RGS6: variants seen among roughly 807,000 people sequenced by gnomAD.
RGS6 encodes regulator of G protein signaling 6.
A neutral mutation model predicts 78.5 loss-of-function variants in RGS6; 30 were observed. The ratio of observed to expected loss-of-function variants is 0.38; its 90% confidence interval spans 0.29 to 0.52. The LOEUF is 0.52. RGS6 is among the 20% of genes least tolerant of loss of function. RGS6 has a pLI of 0.85. For missense variants in RGS6, 495 were observed against 609.7 expected, an observed-to-expected ratio of 0.81 and a Z score of 1.98; for synonymous variants, 206 against 206.0, an observed-to-expected ratio of 1.00 and a Z score of 0.00.
intron 3 of RGS6, among the ~76,000 whole-genome samples, chr14:72,380,644 A>G (rs528398482): frequency 1.6e-4 from 25 of 152,150 alleles, no homozygotes; most frequent in Non-Finnish European, 3.4e-4. Context: ...CCCAGTCAGG[A>G]TGGCTATTAT....
intron 2 of RGS6, among the ~76,000 whole-genome samples, chr14:72,241,312 C>G (rs749714580): frequency 3.3e-5 from 5 of 152,116 alleles, no homozygotes; most frequent in Admixed American, 6.6e-5. Flanking sequence ...ATTAACAACC[C>G]CTTTCACCAT....
chr14:72,560,796 A>ATG (rs2097662486), intron 17 of RGS6, among the ~76,000 whole-genome samples: 1 of 83,314 alleles, frequency 1.2e-5, no homozygotes, highest in Admixed American at 1.3e-4. Context: ...GATTTTGTGG[A>ATG]CGTGTGTGTG....
chr14:72,083,854 C>A (rs1237032003), intron 2 of RGS6, among the ~76,000 whole-genome samples: 1 of 152,070 alleles, frequency 6.6e-6, no homozygotes, highest in African/African-American at 2.4e-5. Context: ...ACATTGATTG[C>A]CCATCAGTCT....
intron 1 of RGS6, among the ~76,000 whole-genome samples, chr14:71,937,471 C>G (rs1164047565): frequency 2.0e-5 from 3 of 152,196 alleles, no homozygotes; most frequent in Non-Finnish European, 4.4e-5. Flanking sequence ...TCAGAGCATA[C>G]ACGGCCCTCT....
intron 2 of RGS6, among the ~76,000 whole-genome samples, chr14:72,298,431 CT>C (rs1201498031): frequency 0.059 from 4,962 of 83,794 alleles, 112 homozygotes; most frequent in Middle Eastern, 0.13. Context: ...CATTAATGTT[CT>C]TTTTTTTTTT....
intron 2 of RGS6, among the ~76,000 whole-genome samples, chr14:72,014,099 T>C (rs1487221033): frequency 2.0e-5 from 3 of 152,224 alleles, no homozygotes; most frequent in Non-Finnish European, 2.9e-5. Flanking sequence ...ACAACCACCG[T>C]GTGAGCCTTG....
chr14:72,325,922 G>A (rs537647957), intron 2 of RGS6, among the ~76,000 whole-genome samples: 3 of 152,114 alleles, frequency 2.0e-5, no homozygotes, highest in African/African-American at 7.2e-5. Flanking sequence ...GGGAAATAAG[G>A]TACCCTCATA....
chr14:72,248,816 C>G (rs560392147), intron 2 of RGS6, among the ~76,000 whole-genome samples: 1 of 152,298 alleles, frequency 6.6e-6, no homozygotes, highest in Admixed American at 6.5e-5. Flanking sequence ...TTAGTAAGAT[C>G]ACTAGGTAAT....
intron 2 of RGS6, among the ~76,000 whole-genome samples, chr14:72,112,104 C>T (rs756276716): frequency 6.6e-6 from 1 of 152,088 alleles, no homozygotes; most frequent in Non-Finnish European, 1.5e-5. Context: ...TTCTGATGGT[C>T]CCTGTCACAT....
intron 2 of RGS6, among the ~76,000 whole-genome samples, chr14:72,046,960 C>A (rs1016487651): frequency 6.6e-6 from 1 of 152,294 alleles, no homozygotes; most frequent in Non-Finnish European, 1.5e-5. Flanking sequence ...ATTTACCTAG[C>A]CTTGTGACCC....
chr14:72,265,912 T>C (rs2058973391), intron 2 of RGS6, among the ~76,000 whole-genome samples: 1 of 131,648 alleles, frequency 7.6e-6, no homozygotes, highest in African/African-American at 2.9e-5. Context: ...CTTTTCCTTC[T>C]CTAACTATCA....
At chr14:72,384,082 G>A (rs901287162) in intron 3 of RGS6, among the ~76,000 whole-genome samples, 6 of 152,146 alleles carry the variant, frequency 3.9e-5, no homozygotes, top group Admixed American at 1.3e-4. Context: ...ACACACACAC[G>A]TTTTGATCGT....
chr14:72,584,242 T>C, the RGS6 span, among the ~76,000 whole-genome samples: 13 of 152,306 alleles, frequency 8.5e-5, no homozygotes, highest in South Asian at 2.7e-3. Context: ...AGTCATTCAA[T>C]GTATATTGAA....
intron 2 of RGS6, among the ~76,000 whole-genome samples, chr14:72,011,045 C>T (rs1347827048): frequency 6.6e-6 from 1 of 152,174 alleles, no homozygotes; most frequent in Admixed American, 6.5e-5. Context: ...TTGTTCTATT[C>T]TAAAATTGCA....
chr14:72,175,329 G>C (rs2097091282), intron 2 of RGS6, among the ~76,000 whole-genome samples: 1 of 152,180 alleles, frequency 6.6e-6, no homozygotes, highest in African/African-American at 2.4e-5. Context: ...TCAGCATACT[G>C]TGACTTTTAG....
chr14:72,038,499 C>T lies in RGS6; in HGVS notation c.84+73624C>T, dbSNP rs1456653558. Among the ~76,000 whole-genome samples, 3 of 152,224 alleles carry T rather than the reference C, an allele frequency of 2.0e-5. No homozygotes were observed. The South Asian group carries it at 6.2e-4, about 32-fold the overall frequency. On this transcript the variant is annotated intron_variant, in intron 2 of 17. Coordinates refer to ENST00000553525, the MANE Select transcript of RGS6 (RefSeq NM_001204424.2). Reference sequence around the variant, plus strand: ...AATTAGGGGAAGATTCACATCTTCACAATACTATCTTCCAATTTTGAACAT... The same window carrying T: ...AATTAGGGGAAGATTCACATCTTCATAATACTATCTTCCAATTTTGAACAT...
Position 71,948,368 on chromosome 14 carries a change from C to T in RGS6, c.-21+15427C>T, listed in dbSNP as rs78676687. Among the ~76,000 whole-genome samples the T allele has an allele frequency of 2.8e-3, 426 of 152,252 alleles. 1 individual carries two copies. The highest frequency in any genetic ancestry group is 9.8e-3 in the African/African-American group (408 of 41,524). Reference sequence around the variant, plus strand: ...CAGTCCACAGTGGTAACAGACACAACCTCTGGCTCCTTCATCATCCCTGCA... The same window carrying T: ...CAGTCCACAGTGGTAACAGACACAATCTCTGGCTCCTTCATCATCCCTGCA... On this transcript the variant is annotated intron_variant, in intron 1 of 17. Coordinates refer to ENST00000553525, the MANE Select transcript of RGS6 (RefSeq NM_001204424.2).
At chr14:71,868,949 C>T in the RGS6 span, among the ~76,000 whole-genome samples, 1 of 152,192 alleles carries the variant, frequency 6.6e-6, no homozygotes, top group African/African-American at 2.4e-5. Context: ...CTTCCAGGGA[C>T]AGACTGCCTT....
intron 2 of RGS6, among the ~76,000 whole-genome samples, chr14:72,031,749 A>G (rs1055344014): frequency 7.2e-5 from 11 of 152,224 alleles, no homozygotes; most frequent in Non-Finnish European, 1.6e-4. Flanking sequence ...TGGCCATGCT[A>G]ACTTCAAAGA....
Sources: gnomAD v4.1 joint callset for allele counts (sites outside exome capture counted in the v4.1 genomes callset) on GRCh38, gnomAD v4.1.1 for gene constraint, MANE v1.5 for transcripts, NCBI Gene and HGNC (gene_info 2026-07-23, HGNC 2026-07-21) for gene names.